The following XRN2 variants were observed in gnomAD, a reference collection of about 807,000 sequenced individuals.
XRN2 encodes 5'-3' exoribonuclease 2, also known as DHM1-like protein.
A neutral mutation model predicts 138.5 loss-of-function variants in XRN2; 44 were observed. That is an observed-to-expected ratio of 0.32 (90% confidence interval 0.25 to 0.41). XRN2 has a LOEUF of 0.41. Ranked by LOEUF, XRN2 falls within the 10% of genes least tolerant of loss-of-function variation. The probability of loss-of-function intolerance (pLI) is 1.00; values close to 1 mark genes in which losing one functional copy is unlikely to be tolerated. For missense variants in XRN2, 937 were observed against 1,169.3 expected, an observed-to-expected ratio of 0.80 and a Z score of 2.90; for synonymous variants, 354 against 369.4, an observed-to-expected ratio of 0.96 and a Z score of 0.48.
rs184114116 is a variant in XRN2 at position 21,363,815 on chromosome 20, T to C, written c.2256-1606T>C. On this transcript the variant is annotated intron_variant, in intron 24 of 29. Coordinates refer to ENST00000377191, the MANE Select transcript of XRN2 (RefSeq NM_012255.5). ...ATCATTGGAGGAATTTTGAAAAATA[T>C]GTTAAAGGAAACAAGTTACTAACTT... is the stretch of plus-strand genomic sequence containing the variant. Among the ~76,000 whole-genome samples, 13 of 152,318 alleles carry C rather than the reference T, an allele frequency of 8.5e-5. No homozygotes were observed. The East Asian group carries it at 1.3e-3, about 16-fold the overall frequency.
chr20:21,349,400 A>T lies in XRN2; in HGVS notation c.1875A>T (p.Ile625=). ...TCTCCCTAATATAGGATTCTAGTAT[A>T]ATTGACTTCTATCCTGAAGATTTTG... ...RKLMSDPDSS[I]IDFYPEDFAI... is the part of the protein sequence containing the mutation. Residue 625 remains isoleucine, a synonymous_variant, in exon 20 of 30, where the codon ATA becomes ATT. Coordinates refer to ENST00000377191, the MANE Select transcript of XRN2 (RefSeq NM_012255.5). 1 of 1,598,740 alleles carries T rather than the reference A, an allele frequency of 6.3e-7. No homozygotes were observed. The highest frequency in any genetic ancestry group is 8.6e-7 in the Non-Finnish European group (1 of 1,166,748).
intron 16 of XRN2, among the ~76,000 whole-genome samples, chr20:21,345,742 CAT>C (rs910960098): frequency 4.6e-5 from 7 of 152,022 alleles, no homozygotes; most frequent in Admixed American, 3.9e-4. Flanking sequence ...CCATAACATA[CAT>C]ATGTTTGTGT....
chr20:21,384,177 T>C (rs981691343), intron 28 of XRN2, among the ~76,000 whole-genome samples: 3 of 152,224 alleles, frequency 2.0e-5, no homozygotes, highest in African/African-American at 7.2e-5. Flanking sequence ...CTAGAGTTAA[T>C]AGATACCCAG....
chr20:21,351,793 T>G (rs1328678329), intron 20 of XRN2, among the ~76,000 whole-genome samples: 1 of 152,222 alleles, frequency 6.6e-6, no homozygotes, highest in Non-Finnish European at 1.5e-5. Flanking sequence ...AACTTCATTC[T>G]TTTGCATGTG....
intron 1 of XRN2, among the ~76,000 whole-genome samples, chr20:21,304,929 A>G (rs903551981): frequency 6.6e-6 from 1 of 152,230 alleles, no homozygotes; most frequent in Admixed American, 6.5e-5. Flanking sequence ...CTGAAAAATC[A>G]GATAGGATAG....
At chr20:21,336,678 T>G (rs2038299746) in intron 13 of XRN2, among the ~76,000 whole-genome samples, 1 of 152,192 alleles carries the variant, frequency 6.6e-6, no homozygotes, top group African/African-American at 2.4e-5. Flanking sequence ...TCATGGAGTT[T>G]ACATTCTCTT....
At chr20:21,355,963 A>G (rs888764903) in intron 21 of XRN2, 117 bp from the exon 22 acceptor site, 1 of 594,954 alleles carries the variant, frequency 1.7e-6, no homozygotes, top group African/African-American at 1.9e-5. Flanking sequence ...ATTTTTCATA[A>G]ATTTTATAAT....
chr20:21,374,733 A>G (rs1299180798), intron 27 of XRN2, among the ~76,000 whole-genome samples: 8 of 152,016 alleles, frequency 5.3e-5, no homozygotes, highest in Admixed American at 5.2e-4. Flanking sequence ...AAATCTATGT[A>G]TTATGAGAGA....
intron 27 of XRN2, among the ~76,000 whole-genome samples, chr20:21,377,685 A>ATTCT (rs1733980905): frequency 6.6e-6 from 1 of 151,886 alleles, no homozygotes; most frequent in South Asian, 2.1e-4. Context: ...TCTTTCATCC[A>ATTCT]TTCATCCACA....
chr20:21,303,372 G>A lies in XRN2; in HGVS notation c.-27G>A. The A allele has an allele frequency of 1.3e-6, 2 of 1,542,102 alleles. No homozygotes were observed. The highest frequency in any genetic ancestry group is 1.7e-6 in the Non-Finnish European group (2 of 1,144,130). ...CTTTGGTTACGCTCGTCAGCCGGTC[G>A]GCCGCCGCCTCCAGCCGTGTGCCGC... is the stretch of plus-strand genomic sequence containing the variant. On this transcript the variant is annotated 5_prime_UTR_variant, in exon 1 of 30. Transcript: ENST00000377191.
intron 1 of XRN2, among the ~76,000 whole-genome samples, chr20:21,308,766 G>A (rs2037838201): frequency 1.3e-5 from 2 of 152,046 alleles, no homozygotes; most frequent in Admixed American, 1.3e-4. Context: ...CTTGATCTGT[G>A]GCTTGTCTTT....
intron 1 of XRN2, among the ~76,000 whole-genome samples, chr20:21,308,978 C>T (rs1438737344): frequency 6.6e-6 from 1 of 152,106 alleles, no homozygotes; most frequent in Non-Finnish European, 1.5e-5. Flanking sequence ...GGTGAATTAT[C>T]GGTCTTTAAA....
Position 21,328,640 on chromosome 20 carries a change from C to G in XRN2, c.397C>G (p.Gln133Glu). 6.2e-7 allele frequency: 1 copy of G among 1,614,030 alleles called. No individual in the cohort carries two copies. The highest frequency in any genetic ancestry group is 1.1e-5 in the South Asian group (1 of 91,020). ...KEGMEAAVEK[Q>E]RVREEILAKG... ...AGGAATGGAAGCAGCAGTCGAGAAG[C>G]AGCGAGTCAGGGAAGAAATATTGGC... The change falls in exon 4 of 30, where the codon CAG (glutamine) becomes GAG (glutamate). Residue 133 changes from glutamine (Q) to glutamate (E), a missense_variant. Coordinates refer to ENST00000377191, the MANE Select transcript of XRN2 (RefSeq NM_012255.5).
chr20:21,321,977 A>G (rs1031891099), intron 1 of XRN2, among the ~76,000 whole-genome samples: 1 of 152,170 alleles, frequency 6.6e-6, no homozygotes, highest in African/African-American at 2.4e-5. Context: ...AATTACAATT[A>G]ATTAGTCTAA....
Position 21,332,268 on chromosome 20 carries a change from A to T in XRN2, c.701-15A>T. On this transcript the variant is annotated splice_polypyrimidine_tract_variant and intron_variant, in intron 8 of 29. Coordinates refer to ENST00000377191, the MANE Select transcript of XRN2 (RefSeq NM_012255.5). Reference sequence around the variant, plus strand: ...ATACTCACTGTTCGATGTTTTTCTCATTGTTGATTGATAGCTGATCTCATT... The same window carrying T: ...ATACTCACTGTTCGATGTTTTTCTCTTTGTTGATTGATAGCTGATCTCATT... 6.2e-7 allele frequency: 1 copy of T among 1,604,770 alleles called. No homozygotes were observed. Among genetic ancestry groups the T allele is most frequent in the South Asian group, 1.1e-5 (1 of 90,150 alleles).
Position 21,333,631 on chromosome 20 carries a change from A to T in XRN2, c.933+13A>T, listed in dbSNP as rs780251998. The T allele has an allele frequency of 6.2e-7, 1 of 1,613,752 alleles. No individual in the cohort carries two copies. ...TGTTCTTCGTGAGGTATGTAGCAAT[A>T]ATCATTGAAATCAGCACTCTAAAGC... On this transcript the variant is annotated intron_variant, in intron 10 of 29. Transcript: ENST00000377191.
At chr20:21,327,233 G>A (rs1278980754) in intron 3 of XRN2, among the ~76,000 whole-genome samples, 1 of 152,142 alleles carries the variant, frequency 6.6e-6, no homozygotes, top group Non-Finnish European at 1.5e-5. Context: ...TATCCTATAG[G>A]CAATGAGTAG....
At chr20:21,349,543 T>G in intron 20 of XRN2, 82 bp downstream of exon 20, 1 of 1,181,094 alleles carries the variant, frequency 8.5e-7, no homozygotes, top group Admixed American at 2.0e-5. Flanking sequence ...AAGATAAATA[T>G]TTTAGCCTGG....
chr20:21,386,790 AGAT>A, intron 28 of XRN2, 75 bp from the exon 29 acceptor site: 1 of 1,525,044 alleles, frequency 6.6e-7, no homozygotes, highest in South Asian at 1.3e-5. Flanking sequence ...TAAAATTTGG[AGAT>A]GATACCTGCC....
Sources: gnomAD v4.1 joint callset for allele counts (sites outside exome capture counted in the v4.1 genomes callset) on GRCh38, gnomAD v4.1.1 for gene constraint, MANE v1.5 for transcripts, NCBI Gene and HGNC (gene_info 2026-07-23, HGNC 2026-07-21) for gene names.